The following UFL1 variants were observed in gnomAD, a reference collection of about 807,000 sequenced individuals.
UFL1 encodes E3 UFM1-protein ligase 1.
UFL1 carries 78 observed loss-of-function variants against 99.3 expected under a neutral mutation model. The observed-to-expected ratio is 0.79, with a 90% CI of 0.65 to 0.95. The LOEUF (loss-of-function observed/expected upper bound fraction) is 0.95. Among genes scored for constraint, UFL1 ranks in the 40% least tolerant of loss-of-function variants. The pLI, the probability that UFL1 is intolerant of heterozygous loss-of-function variation, is 0.00. For synonymous variants in UFL1, 335 were observed against 322.2 expected (o/e 1.04, Z -0.42); for missense variants, 936 against 937.0 (o/e 1.00, Z 0.01).
chr6:96,526,008 C>T (rs569376039), intron 4 of UFL1, among the ~76,000 whole-genome samples: 1 of 151,764 alleles, frequency 6.6e-6, no homozygotes, highest in African/African-American at 2.4e-5. Context: ...ATTGCTTGAT[C>T]CCAGGAGGTC....
At chr6:96,541,849 C>T (rs1409914915) in intron 11 of UFL1, among the ~76,000 whole-genome samples, 1 of 150,784 alleles carries the variant, frequency 6.6e-6, no homozygotes, top group Non-Finnish European at 1.5e-5. Context: ...ATGAATGTTC[C>T]CCCCCATAGG....
Position 96,551,483 on chromosome 6 carries a change from T to TA in UFL1, c.1870dup (p.Thr624AsnfsTer5). On this transcript the variant is annotated frameshift_variant, in exon 16 of 19. Coordinates refer to ENST00000369278, the MANE Select transcript of UFL1 (RefSeq NM_015323.5). LOFTEE classifies it high-confidence loss of function. ...TATCAGAAGAAACCAAAGTAGCTCT[T>TA]ACAAAACTCCATAACTCTCTGAATG... The TA allele has an allele frequency of 6.5e-7, 1 of 1,538,134 alleles. No individual in the cohort carries two copies. The highest frequency in any genetic ancestry group is 8.8e-7 in the Non-Finnish European group (1 of 1,140,048).
rs1299604453 is a variant in UFL1, at chr6:96,549,543, T to C, written c.1652T>C (p.Ile551Thr). Residue 551 changes from isoleucine (I) to threonine (T), a missense_variant, in exon 14 of 19, where the codon ATT becomes ACT. Transcript: ENST00000369278. Reference protein sequence around the residue: ...QEEVSNLYNNIRLFEKGMKFF... With the variant: ...QEEVSNLYNNTRLFEKGMKFF... Reference sequence around the variant, plus strand: ...GAAGTTTCAAACCTGTACAATAACATTAGGTTATTTGAAAAAGGGATGAAG... The same window carrying C: ...GAAGTTTCAAACCTGTACAATAACACTAGGTTATTTGAAAAAGGGATGAAG... 6.3e-7 allele frequency: 1 copy of C among 1,596,620 alleles called. No individual in the cohort carries two copies. The highest frequency in any genetic ancestry group is 1.4e-5 in the African/African-American group (1 of 73,638).
Position 96,537,495 on chromosome 6 carries a change from A to G in UFL1, c.924A>G (p.Gln308=), listed in dbSNP as rs1218227480. ...AACVGQGLVD[Q]VEASVEEAIS... Reference sequence around the variant, plus strand: ...GTGTTGGTCAAGGACTTGTGGATCAAGTGGAAGCATCAGTAGAAGAAGCCA... The same window carrying G: ...GTGTTGGTCAAGGACTTGTGGATCAGGTGGAAGCATCAGTAGAAGAAGCCA... The change falls in exon 9 of 19, where the codon CAA becomes CAG. Residue 308 remains glutamine, a synonymous_variant. Transcript: ENST00000369278. 3 of 1,609,852 alleles carry G rather than the reference A, an allele frequency of 1.9e-6. No homozygotes were observed. Among genetic ancestry groups the G allele is most frequent in the Non-Finnish European group, 2.5e-6 (3 of 1,177,872 alleles).
intron 1 of UFL1, 65 bp from the exon 2 acceptor site, chr6:96,523,081 A>G: frequency 6.8e-7 from 1 of 1,471,870 alleles, no homozygotes; most frequent in Non-Finnish European, 9.1e-7. Context: ...CATACATTGT[A>G]TTAATTTTAT....
chr6:96,551,817 T>C (rs1562257777), intron 16 of UFL1, 21 bp from the exon 17 acceptor site: 3 of 1,490,098 alleles, frequency 2.0e-6, no homozygotes, highest in Non-Finnish European at 2.8e-6. Flanking sequence ...AAGTAAATTA[T>C]GGTATTCAAT....
intron 12 of UFL1, among the ~76,000 whole-genome samples, chr6:96,544,940 T>C (rs1448753180): frequency 6.6e-6 from 1 of 151,088 alleles, no homozygotes; most frequent in South Asian, 2.1e-4. Flanking sequence ...AAAAAAAATT[T>C]ATGTTGTAAT....
chr6:96,532,798 C>T (rs1159245925), intron 6 of UFL1, among the ~76,000 whole-genome samples: 2 of 152,140 alleles, frequency 1.3e-5, no homozygotes, highest in East Asian at 1.9e-4. Context: ...TTGTAAATTA[C>T]CCAGCCTTAA....
intron 6 of UFL1, among the ~76,000 whole-genome samples, chr6:96,530,873 T>C (rs1251136608): frequency 6.6e-6 from 1 of 152,136 alleles, no homozygotes; most frequent in Non-Finnish European, 1.5e-5. Context: ...CCAGGCCCTC[T>C]CAAAGTAGAC....
Position 96,534,287 on chromosome 6 carries a change from T to C in UFL1, c.621T>C (p.Ile207=). Residue 207 remains isoleucine, a synonymous_variant, in exon 7 of 19, where the codon ATT becomes ATC. Transcript: ENST00000369278. The part of the protein sequence containing the change: ...ITRPTAVNSL[I]SKYGFQEQLL... ...GGCCTACAGCTGTGAATTCTTTGATTTCAAAATATGGATTTCAGGAGCAGC... is the reference window on the plus strand; with the variant it reads ...GGCCTACAGCTGTGAATTCTTTGATCTCAAAATATGGATTTCAGGAGCAGC... 1 of 1,581,630 alleles carries C rather than the reference T, an allele frequency of 6.3e-7. No homozygotes were observed. Among genetic ancestry groups the C allele is most frequent in the Non-Finnish European group, 8.6e-7 (1 of 1,167,472 alleles).
At chr6:96,551,344 G>C (rs2475024) in intron 15 of UFL1, 89 bp from the exon 16 acceptor site, 544,555 of 710,148 alleles carry the variant, frequency 0.77, 210,684 homozygotes, top group African/African-American at 0.95. Context: ...TTCCACTCAG[G>C]AACTTGTTAC....
chr6:96,526,831 G>T (rs1293453466), intron 5 of UFL1, among the ~76,000 whole-genome samples: 1 of 152,160 alleles, frequency 6.6e-6, no homozygotes, highest in Non-Finnish European at 1.5e-5. Context: ...AATAATTGAT[G>T]AAGATAATTT....
In UFL1 at chr6:96,551,487, A is replaced by G. The variant is rs1192251916; in HGVS notation, c.1873A>G (p.Lys625Glu). Residue 625 changes from lysine to glutamate, a missense_variant, in exon 16 of 19, where the codon AAA becomes GAA. By Grantham distance (56) the Lys-to-Glu change is moderately conservative. Transcript: ENST00000369278. ...AGAAGAAACCAAAGTAGCTCTTACAAAACTCCATAACTCTCTGAATGAAAA... is the reference window on the plus strand; with the variant it reads ...AGAAGAAACCAAAGTAGCTCTTACAGAACTCCATAACTCTCTGAATGAAAA... ...LSEETKVALT[K>E]LHNSLNEKSI... The G allele has an allele frequency of 1.3e-6, 2 of 1,537,800 alleles. No individual in the cohort carries two copies. Among genetic ancestry groups the G allele is most frequent in the Non-Finnish European group, 1.8e-6 (2 of 1,139,744 alleles).
intron 6 of UFL1, 136 bp downstream of exon 6, chr6:96,528,768 G>A: frequency 8.8e-7 from 1 of 1,140,066 alleles, no homozygotes. Context: ...AGATAAAAGG[G>A]CAGCTTTTGT....
chr6:96,536,202 A>G, intron 7 of UFL1, 42 bp from the exon 8 acceptor site: 1 of 1,559,222 alleles, frequency 6.4e-7, no homozygotes, highest in Non-Finnish European at 8.7e-7. Flanking sequence ...TAAGATTTAT[A>G]CCTGGTCTGA....
rs1418867665 is a variant in UFL1 at position 96,542,892 on chromosome 6, A to T, written c.1280-2A>T. On this transcript the variant is annotated splice_acceptor_variant, in intron 11 of 18. Coordinates refer to ENST00000369278, the MANE Select transcript of UFL1 (RefSeq NM_015323.5). LOFTEE classifies it high-confidence loss of function. The stretch of plus-strand genomic sequence containing the variant: ...TGCTAACTAATGTCATTTTCCCACC[A>T]GAGGGCAGTGGAAGCATGAGAGGAG... The T allele has an allele frequency of 6.4e-7, 1 of 1,569,324 alleles. No homozygotes were observed. The highest frequency in any genetic ancestry group is 8.6e-7 in the Non-Finnish European group (1 of 1,162,598).
intron 4 of UFL1, among the ~76,000 whole-genome samples, chr6:96,526,020 A>G (rs551709127): frequency 6.6e-6 from 1 of 152,130 alleles, no homozygotes; most frequent in South Asian, 2.1e-4. Context: ...CAGGAGGTCA[A>G]GGCCACAGTG....
chr6:96,550,952 A>G (rs1453558641), intron 15 of UFL1, among the ~76,000 whole-genome samples: 1 of 151,972 alleles, frequency 6.6e-6, no homozygotes, highest in African/African-American at 2.4e-5. Context: ...GATCAAGAAT[A>G]CCATAAAACT....
chr6:96,534,552 T>G (rs1036949776), intron 7 of UFL1, among the ~76,000 whole-genome samples: 7 of 151,798 alleles, frequency 4.6e-5, no homozygotes, highest in Non-Finnish European at 8.9e-5. Context: ...AAAGTAAGCA[T>G]TTATAATGAA....
Sources: allele counts gnomAD v4.1 joint callset (sites outside exome capture counted in the v4.1 genomes callset), GRCh38; gene constraint gnomAD v4.1.1; transcripts MANE v1.5; gene names NCBI Gene and HGNC (gene_info 2026-07-23, HGNC 2026-07-21).